LINGO2: variants seen among roughly 807,000 people sequenced by gnomAD.
LINGO2 encodes leucine-rich repeat and immunoglobulin-like domain-containing nogo receptor-interacting protein 2.
Under a neutral mutation model 30.6 loss-of-function variants are expected in LINGO2, and 14 were observed. The observed-to-expected ratio is 0.46, with a 90% confidence interval of 0.30 to 0.72. The LOEUF is 0.72. LINGO2 is among the 30% of genes least tolerant of loss of function. The probability of loss-of-function intolerance (pLI) is 0.07; values close to 1 mark genes in which losing one functional copy is unlikely to be tolerated. For missense variants in LINGO2, 729 were observed against 751.7 expected (o/e 0.97, Z 0.35); for synonymous variants, 317 against 288.5 (o/e 1.10, Z -1.00).
At chr9:28,796,684 A>G in the LINGO2 span, among the ~76,000 whole-genome samples, 1 of 152,074 alleles carries the variant, frequency 6.6e-6, no homozygotes. Context: ...TGTTTCTTTA[A>G]GAATAAGAGG....
At chr9:28,979,152 C>T in the LINGO2 span, among the ~76,000 whole-genome samples, 36 of 152,018 alleles carry the variant, frequency 2.4e-4, no homozygotes, top group South Asian at 5.6e-3. Context: ...TTTTTGTCTG[C>T]TTCTTTGAGC....
the LINGO2 span, among the ~76,000 whole-genome samples, chr9:28,784,476 A>C: frequency 6.6e-6 from 1 of 152,202 alleles, no homozygotes; most frequent in African/African-American, 2.4e-5. Flanking sequence ...TTTTCTCATC[A>C]ATACAACGGG....
At chr9:29,161,109 G>A in the LINGO2 span, among the ~76,000 whole-genome samples, 6 of 152,234 alleles carry the variant, frequency 3.9e-5, no homozygotes, top group African/African-American at 1.4e-4. Context: ...AAAGAGTTAA[G>A]CTGCTGACCA....
the LINGO2 span, among the ~76,000 whole-genome samples, chr9:28,969,231 C>G: frequency 1.3e-5 from 2 of 152,044 alleles, no homozygotes; most frequent in South Asian, 4.1e-4. Context: ...TCTTATGTGA[C>G]ACAATTTTAC....
At chr9:28,460,456 A>G (rs2135117742) in intron 2 of LINGO2, among the ~76,000 whole-genome samples, 1 of 152,322 alleles carries the variant, frequency 6.6e-6, no homozygotes. Flanking sequence ...TCAGCCTTGC[A>G]GTATAGGTGA....
chr9:28,041,388 T>A, intron 4 of LINGO2, among the ~76,000 whole-genome samples: 1 of 152,176 alleles, frequency 6.6e-6, no homozygotes, highest in East Asian at 1.9e-4. Flanking sequence ...TGCTTGGAAC[T>A]CTTTACCTGT....
intron 4 of LINGO2, among the ~76,000 whole-genome samples, chr9:28,031,704 G>T (rs949408299): frequency 3.9e-5 from 6 of 152,164 alleles, no homozygotes; most frequent in African/African-American, 1.4e-4. Context: ...GCCGATTATT[G>T]TTTGTCCAGG....
chr9:28,008,370 G>C (rs1222829008), intron 5 of LINGO2, among the ~76,000 whole-genome samples: 3 of 151,860 alleles, frequency 2.0e-5, no homozygotes, highest in African/African-American at 7.3e-5. Flanking sequence ...AATACAACCA[G>C]AAAGGTACAG....
chr9:28,335,842 G>T (rs1177462644), intron 3 of LINGO2, among the ~76,000 whole-genome samples: 6 of 152,128 alleles, frequency 3.9e-5, no homozygotes, highest in Non-Finnish European at 7.4e-5. Flanking sequence ...TCCAGTGAAG[G>T]ACATTTGGGT....
At chr9:28,335,895 A>G (rs1306356944) in intron 3 of LINGO2, among the ~76,000 whole-genome samples, 1 of 152,106 alleles carries the variant, frequency 6.6e-6, no homozygotes, top group Non-Finnish European at 1.5e-5. Context: ...TGCAATTTAC[A>G]TTCATTTCCA....
At chr9:28,456,115 A>C (rs1410017432) in intron 2 of LINGO2, among the ~76,000 whole-genome samples, 1 of 152,142 alleles carries the variant, frequency 6.6e-6, no homozygotes, top group South Asian at 2.1e-4. Flanking sequence ...TGTTTATCTT[A>C]TGCTGTGTTG....
At chr9:28,442,931 T>C (rs770395695) in intron 2 of LINGO2, among the ~76,000 whole-genome samples, 6 of 151,868 alleles carry the variant, frequency 4.0e-5, no homozygotes, top group Non-Finnish European at 7.4e-5. Flanking sequence ...ACATAGTATA[T>C]ATTTTCCATA....
the LINGO2 span, among the ~76,000 whole-genome samples, chr9:28,701,431 G>C: frequency 2.0e-5 from 3 of 151,728 alleles, no homozygotes; most frequent in African/African-American, 7.3e-5. Context: ...CCATTCTATT[G>C]TCTTTGCGCC....
the LINGO2 span, among the ~76,000 whole-genome samples, chr9:28,816,708 G>C: frequency 4.1e-4 from 63 of 152,222 alleles, 1 homozygote; most frequent in African/African-American, 1.5e-3. Flanking sequence ...AAGAAAGAGA[G>C]GTGATTTAAT....
At chr9:28,560,924 T>C (rs562293529) in intron 1 of LINGO2, among the ~76,000 whole-genome samples, 1 of 152,100 alleles carries the variant, frequency 6.6e-6, no homozygotes, top group Non-Finnish European at 1.5e-5. Context: ...ATCCACCTGC[T>C]ATGGCTTCCC....
intron 4 of LINGO2, among the ~76,000 whole-genome samples, chr9:28,161,468 A>G (rs1828284369): frequency 6.6e-6 from 1 of 152,222 alleles, no homozygotes; most frequent in African/African-American, 2.4e-5. Flanking sequence ...TAAGTATATA[A>G]TTTAAACACA....
the LINGO2 span, among the ~76,000 whole-genome samples, chr9:28,846,204 T>C: frequency 1.3e-5 from 2 of 151,676 alleles, no homozygotes; most frequent in African/African-American, 4.9e-5. Context: ...TAAGTGAATT[T>C]AGGGATAAAA....
At chr9:29,206,728 C>T in the LINGO2 span, among the ~76,000 whole-genome samples, 4 of 152,078 alleles carry the variant, frequency 2.6e-5, no homozygotes, top group South Asian at 2.1e-4. Context: ...AGCTTATCAC[C>T]GATTTTTGTC....
At chr9:27,966,134 A>G (rs1343778361) in intron 5 of LINGO2, among the ~76,000 whole-genome samples, 2 of 152,122 alleles carry the variant, frequency 1.3e-5, no homozygotes, top group Non-Finnish European at 2.9e-5. Context: ...AAATCTCTCA[A>G]CTGAAGGAAG....
Sources: allele counts gnomAD v4.1 joint callset (sites outside exome capture counted in the v4.1 genomes callset), GRCh38; gene constraint gnomAD v4.1.1; transcripts MANE v1.5; gene names NCBI Gene and HGNC (gene_info 2026-07-23, HGNC 2026-07-21).